The following TCAIM variants were observed in gnomAD, a reference collection of about 807,000 sequenced individuals.
TCAIM encodes the protein T cell activation inhibitor, mitochondrial, also known as T-cell activation inhibitor, mitochondrial.
A neutral mutation model predicts 58.6 loss-of-function variants in TCAIM; 36 were observed. The observed-to-expected ratio is 0.61, with a 90% CI of 0.47 to 0.81. The LOEUF is 0.81. TCAIM is among the 30% of genes least tolerant of loss of function. The pLI, the probability that TCAIM is intolerant of heterozygous loss-of-function variation, is 0.00. For missense variants in TCAIM, 466 were observed against 579.6 expected, an observed-to-expected ratio of 0.80 and a Z score of 2.01; for synonymous variants, 172 against 193.6, an observed-to-expected ratio of 0.89 and a Z score of 0.93.
intron 3 of TCAIM, among the ~76,000 whole-genome samples, chr3:44,360,768 A>G (rs1387445803): frequency 6.6e-6 from 1 of 151,736 alleles, no homozygotes; most frequent in Non-Finnish European, 1.5e-5. Context: ...ACCGTGCCCA[A>G]CTAATTTTTG....
chr3:44,398,387 G>A (rs896294321), intron 8 of TCAIM, among the ~76,000 whole-genome samples: 5 of 152,048 alleles, frequency 3.3e-5, no homozygotes, highest in South Asian at 2.1e-4. Flanking sequence ...CCGAGATTGC[G>A]CCACTGCATT....
intron 3 of TCAIM, chr3:44,358,468 A>G (rs1559564263): frequency 1.8e-6 from 1 of 549,686 alleles, no homozygotes; most frequent in Non-Finnish European, 3.1e-6. Flanking sequence ...GGGGAAAAAA[A>G]TACATCTGTA....
chr3:44,359,824 C>A (rs1475040036), intron 3 of TCAIM: 2 of 152,188 alleles, frequency 1.3e-5, no homozygotes, highest in African/African-American at 4.8e-5. Context: ...TTCTGTGAAT[C>A]CTTCTAGTAA....
intron 5 of TCAIM, among the ~76,000 whole-genome samples, chr3:44,375,768 G>A (rs1701555558): frequency 1.3e-5 from 2 of 151,844 alleles, no homozygotes; most frequent in South Asian, 4.1e-4. Context: ...AGCTGCTGTG[G>A]AACACAGTTT....
rs371390552 is a variant in TCAIM, at chr3:44,409,352, C to T, written c.*1670C>T. ...ATTAGAAAATCAGCTTTGGATTATA[C>T]GATTTCTAAAATATACTAATACAGA... On this transcript the variant is annotated 3_prime_UTR_variant, in exon 11 of 11. Coordinates refer to ENST00000342649, the MANE Select transcript of TCAIM (RefSeq NM_173826.4). 3.2e-4 allele frequency: 48 copies of T among 152,182 alleles called. No individual in the cohort carries two copies. In the South Asian group the frequency reaches 5.8e-3, roughly 18 times the overall value. 9.4% of individuals were successfully genotyped at this position (152,182 alleles called of 1,614,324 possible).
At chr3:44,388,844 C>G (rs1437316676) in intron 5 of TCAIM, among the ~76,000 whole-genome samples, 1 of 152,124 alleles carries the variant, frequency 6.6e-6, no homozygotes, top group Admixed American at 6.5e-5. Flanking sequence ...TGGACTGTTC[C>G]TGCTCCAAAG....
In TCAIM at chr3:44,346,394, G is replaced by T. The variant is rs924030657; in HGVS notation, c.-45+7560G>T. Among the ~76,000 whole-genome samples, 5 of 152,174 alleles carry T rather than the reference G, an allele frequency of 3.3e-5. No individual in the cohort carries two copies. In the East Asian group the frequency reaches 9.6e-4, roughly 29 times the overall value. ...TGTGGGAAAGGCGTCTACCCATCCA[G>T]TGAAAGTGTCTACCCAGACCAAGAG... On this transcript the variant is annotated intron_variant, in intron 1 of 10. Coordinates refer to ENST00000342649, the MANE Select transcript of TCAIM (RefSeq NM_173826.4).
intron 5 of TCAIM, among the ~76,000 whole-genome samples, chr3:44,383,741 G>A (rs756286017): frequency 2.0e-5 from 3 of 149,362 alleles, no homozygotes; most frequent in Non-Finnish European, 4.4e-5. Context: ...GGGAGGCTGA[G>A]GCAGGAGGAT....
chr3:44,393,813 A>AG (rs1193688103), intron 6 of TCAIM, among the ~76,000 whole-genome samples: 1 of 152,180 alleles, frequency 6.6e-6, no homozygotes, highest in African/African-American at 2.4e-5. Flanking sequence ...TAAAAAGAGG[A>AG]GGGGAGAGAG....
intron 5 of TCAIM, among the ~76,000 whole-genome samples, chr3:44,390,727 T>A (rs544244915): frequency 9.9e-5 from 15 of 152,254 alleles, no homozygotes; most frequent in African/African-American, 3.4e-4. Flanking sequence ...TCCTAGCATT[T>A]TGGCAGGTCG....
intron 4 of TCAIM, among the ~76,000 whole-genome samples, chr3:44,361,872 C>A (rs917928650): frequency 1.3e-5 from 2 of 152,080 alleles, no homozygotes. Context: ...TAGTACTTAC[C>A]CAATTGTAAC....
Position 44,396,259 on chromosome 3 carries a change from A to C in TCAIM, c.696-141A>C, listed in dbSNP as rs1019837198. 64 of 622,798 alleles carry C rather than the reference A, an allele frequency of 1.0e-4. No individual in the cohort carries two copies. The East Asian group carries it at 1.3e-3, about 12-fold the overall frequency. The allele number at this position is 622,798 out of a possible 1,614,324, so 38.6% of individuals were successfully genotyped here. A position where few individuals can be genotyped will look rare whatever the true frequency, so the allele number is the denominator to read the frequency against. On this transcript the variant is annotated intron_variant, in intron 6 of 10. Coordinates refer to ENST00000342649, the MANE Select transcript of TCAIM (RefSeq NM_173826.4). ...TTTAAAAATTAGCTAGCTTAGAAAC[A>C]TATGATCAATCAAAACATGTTATGT...
At chr3:44,347,186 A>C (rs1398780696) in intron 1 of TCAIM, among the ~76,000 whole-genome samples, 1 of 152,146 alleles carries the variant, frequency 6.6e-6, no homozygotes, top group Non-Finnish European at 1.5e-5. Flanking sequence ...CAGATGAGGA[A>C]GAAATTTGGG....
Position 44,394,921 on chromosome 3 carries a change from AATATATATATATATATATATAT to A in TCAIM, c.696-1462_696-1441del, listed in dbSNP as rs869077768. On this transcript the variant is annotated intron_variant, in intron 6 of 10. Transcript: ENST00000342649. ...AAAAAAAAAAAAAAAAAAAAAAAAA[AATATATATATATATATATATAT>A]ATATATATATATATATGTATATATC... is the stretch of plus-strand genomic sequence containing the variant. Among the ~76,000 whole-genome samples, 111 of 48,490 alleles carry A rather than the reference AATATATATATATATATATATAT, an allele frequency of 2.3e-3. 3 individuals are homozygous for A. The highest frequency in any genetic ancestry group is 9.1e-3 in the African/African-American group (102 of 11,234). The allele number at this position is 48,490 out of a possible 152,430, so 31.8% of individuals were successfully genotyped here. A position where few individuals can be genotyped will look rare whatever the true frequency, so the allele number is the denominator to read the frequency against.
chr3:44,403,643 G>C (rs1292601332), intron 10 of TCAIM, among the ~76,000 whole-genome samples: 1 of 152,064 alleles, frequency 6.6e-6, no homozygotes, highest in African/African-American at 2.4e-5. Flanking sequence ...ATTAGATTGT[G>C]AGAAAGGAAA....
intron 10 of TCAIM, among the ~76,000 whole-genome samples, chr3:44,407,237 G>A (rs763896995): frequency 1.3e-5 from 2 of 152,110 alleles, no homozygotes; most frequent in Non-Finnish European, 2.9e-5. Context: ...AGAGATCCAT[G>A]TGACAGTAAC....
At chr3:44,339,038 T>C (rs973051842) in intron 1 of TCAIM, among the ~76,000 whole-genome samples, 5 of 152,230 alleles carry the variant, frequency 3.3e-5, no homozygotes, top group Admixed American at 3.3e-4. Context: ...TAGGTTTTAT[T>C]GTTTCCGACT....
At chr3:44,367,798 A>G in intron 5 of TCAIM, 90 bp downstream of exon 5, 1 of 1,301,272 alleles carries the variant, frequency 7.7e-7, no homozygotes. Context: ...TTTTTTTATA[A>G]ATAAAAAGTG....
rs558045251 is a variant in TCAIM at position 44,342,792 on chromosome 3, T to C, written c.-45+3958T>C. 6.3e-4 allele frequency among the ~76,000 whole-genome samples: 95 copies of C among 151,814 alleles called. 1 individual carries two copies. The highest frequency in any genetic ancestry group is 2.2e-3 in the African/African-American group (92 of 41,380). On this transcript the variant is annotated intron_variant, in intron 1 of 10. Coordinates refer to ENST00000342649, the MANE Select transcript of TCAIM (RefSeq NM_173826.4). Reference sequence around the variant, plus strand: ...TAATATGTTGGGGGTAAAGTGCATATATAAGTCTTTCCCCTATTGACCAAT... The same window carrying C: ...TAATATGTTGGGGGTAAAGTGCATACATAAGTCTTTCCCCTATTGACCAAT...
Sources: gnomAD v4.1 joint callset for allele counts (sites outside exome capture counted in the v4.1 genomes callset) on GRCh38, gnomAD v4.1.1 for gene constraint, MANE v1.5 for transcripts, NCBI Gene and HGNC (gene_info 2026-07-23, HGNC 2026-07-21) for gene names.